Variants in L3MBTL4 observed in about 807,000 individuals in gnomAD.
L3MBTL4 encodes lethal(3)malignant brain tumor-like protein 4.
Under a neutral mutation model 84.5 loss-of-function variants are expected in L3MBTL4, and 70 were observed. The ratio of observed to expected loss-of-function variants is 0.83; its 90% CI spans 0.68 to 1.01. The LOEUF (loss-of-function observed/expected upper bound fraction) is 1.01, where lower values mean the gene tolerates loss of function less well. Among genes scored for constraint, L3MBTL4 ranks in the 50% least tolerant of loss-of-function variants. L3MBTL4 has a pLI of 0.00. For missense variants in L3MBTL4, 715 were observed against 754.8 expected, an observed-to-expected ratio of 0.95 and a Z score of 0.62; for synonymous variants, 274 against 259.8, an observed-to-expected ratio of 1.05 and a Z score of -0.52.
intron 16 of L3MBTL4, chr18:6,031,434 C>G: frequency 5.1e-6 from 5 of 985,366 alleles, no homozygotes; most frequent in Non-Finnish European, 6.0e-6. Context: ...TTATAAGTTG[C>G]GAGGTGGGAC....
At chr18:6,055,468 C>T (rs554922180) in intron 16 of L3MBTL4, among the ~76,000 whole-genome samples, 20 of 152,120 alleles carry the variant, frequency 1.3e-4, no homozygotes, top group Middle Eastern at 6.8e-3. Flanking sequence ...AAGTTTTCTT[C>T]GATAGTATGT....
In L3MBTL4 at chr18:6,144,068, G is replaced by GT. The variant is rs539394934; in HGVS notation, c.1097-5773_1097-5772insA. 8.4e-3 allele frequency among the ~76,000 whole-genome samples: 1,270 copies of GT among 151,928 alleles called. 10 individuals are homozygous for GT. Among genetic ancestry groups the GT allele is most frequent in the Middle Eastern group, 0.024 (7 of 294 alleles). On this transcript the variant is annotated intron_variant, in intron 13 of 18. Transcript: ENST00000317931. ...AAGAATTGGCTGGGCATGGTGGCAG[G>GT]CCCTGTAGTCCCAGCTACTGGAGAG... is the stretch of plus-strand genomic sequence containing the variant.
rs534064728 is a variant in L3MBTL4 at position 6,302,207 on chromosome 18, G to C, written c.73-250C>G. On this transcript the variant is annotated intron_variant, in intron 3 of 18. Transcript: ENST00000317931. The stretch of plus-strand genomic sequence containing the variant: ...AAAGAGACAGGAAGCTTTGATAACA[G>C]TTAATATTGAGGTTGACACAGGTAC... Among the ~76,000 whole-genome samples the C allele has an allele frequency of 5.3e-5, 8 of 152,252 alleles. No individual in the cohort carries two copies. In the East Asian group the frequency reaches 1.5e-3, roughly 29 times the overall value.
chr18:5,989,543 T>C (rs7240745), intron 16 of L3MBTL4, among the ~76,000 whole-genome samples: 29,693 of 152,144 alleles, frequency 0.2, 4,856 homozygotes, highest in African/African-American at 0.44. Flanking sequence ...TGTAAAACCA[T>C]TGTAGAGCAA....
chr18:6,364,683 T>C (rs979506526), intron 1 of L3MBTL4, among the ~76,000 whole-genome samples: 1 of 152,134 alleles, frequency 6.6e-6, no homozygotes, highest in Non-Finnish European at 1.5e-5. Context: ...ATAAGCGTAA[T>C]CAAAATGATA....
intron 16 of L3MBTL4, among the ~76,000 whole-genome samples, chr18:5,999,466 CAG>C (rs1410072307): frequency 6.6e-6 from 1 of 152,176 alleles, no homozygotes; most frequent in African/African-American, 2.4e-5. Context: ...CTACCTTCCT[CAG>C]AGTGTGCTGT....
chr18:6,017,377 T>G (rs2145454987), intron 16 of L3MBTL4, among the ~76,000 whole-genome samples: 1 of 152,364 alleles, frequency 6.6e-6, no homozygotes. Context: ...AGTCTCCTCT[T>G]GACACTGACG....
At chr18:6,369,789 G>C (rs2054082263) in intron 1 of L3MBTL4, among the ~76,000 whole-genome samples, 1 of 152,166 alleles carries the variant, frequency 6.6e-6, no homozygotes, top group Non-Finnish European at 1.5e-5. Context: ...CAGGTGCAAA[G>C]TAACCAGCAG....
rs1382820009 is a variant in L3MBTL4, at chr18:6,242,852, A to G, written c.460+442T>C. Reference sequence around the variant, plus strand: ...TATTTTTCATTCCCATCGAAAGAAAATAGTGATTTTTTTCATAGTTCTTTG... The same window carrying G: ...TATTTTTCATTCCCATCGAAAGAAAGTAGTGATTTTTTTCATAGTTCTTTG... On this transcript the variant is annotated intron_variant, in intron 7 of 18. Coordinates refer to ENST00000317931, the MANE Select transcript of L3MBTL4 (RefSeq NM_001330559.2). 2.6e-5 allele frequency among the ~76,000 whole-genome samples: 4 copies of G among 152,214 alleles called. No homozygotes were observed. The South Asian group carries it at 6.2e-4, about 24-fold the overall frequency.
intron 7 of L3MBTL4, among the ~76,000 whole-genome samples, chr18:6,241,984 G>A (rs1016349801): frequency 3.3e-5 from 5 of 152,134 alleles, no homozygotes; most frequent in Non-Finnish European, 5.9e-5. Flanking sequence ...AGCTTTCTGC[G>A]CCGCATCTTT....
intron 1 of L3MBTL4, among the ~76,000 whole-genome samples, chr18:6,410,662 C>G (rs572038982): frequency 1.3e-5 from 2 of 152,204 alleles, no homozygotes; most frequent in African/African-American, 4.8e-5. Context: ...TTCTCTCTGG[C>G]TAGTTACAGT....
intron 1 of L3MBTL4, chr18:6,396,985 AG>A (rs1344673247): frequency 6.6e-6 from 1 of 152,236 alleles, no homozygotes; most frequent in Non-Finnish European, 1.5e-5. Context: ...AAACGTTTTA[AG>A]TGTAAAAATA....
chr18:6,083,759 G>T lies in L3MBTL4; in HGVS notation c.1374-2808C>A, dbSNP rs139565494. ...TATTAATAGCGTTGCTGTTGCTGTC[G>T]CAAGTGTCAAGAGACCTGTGTATCT... On this transcript the variant is annotated intron_variant, in intron 15 of 18. Transcript: ENST00000317931. Among the ~76,000 whole-genome samples the T allele has an allele frequency of 3.9e-3, 594 of 152,178 alleles. 4 individuals are homozygous for T. The highest frequency in any genetic ancestry group is 0.014 in the African/African-American group (575 of 41,506).
At chr18:6,380,745 T>A (rs1199949756) in intron 1 of L3MBTL4, among the ~76,000 whole-genome samples, 4 of 152,210 alleles carry the variant, frequency 2.6e-5, no homozygotes, top group Non-Finnish European at 5.9e-5. Flanking sequence ...AATTATACGG[T>A]CAATTTTAGA....
rs541961038 is a variant in L3MBTL4 at position 6,138,292 on chromosome 18, C to G, written c.1101G>C (p.Thr367=). 6.2e-7 allele frequency: 1 copy of G among 1,606,930 alleles called. No homozygotes were observed. Among genetic ancestry groups the G allele is most frequent in the Admixed American group, 1.7e-5 (1 of 59,574 alleles). ...GACCTGGAAGGATCTTCAGGTCATT[C>G]GTTCCTTCAGGAAGTAAAAGAACAT... is the stretch of plus-strand genomic sequence containing the variant. ...TGHPLEVPQR[T]NDLKILPGQA... Residue 367 remains threonine, a synonymous_variant, in exon 14 of 19, where the codon ACG becomes ACC. Transcript: ENST00000317931.
chr18:6,258,178 A>G (rs2048237942), intron 5 of L3MBTL4, among the ~76,000 whole-genome samples: 2 of 152,146 alleles, frequency 1.3e-5, no homozygotes, highest in Non-Finnish European at 2.9e-5. Context: ...GCAGTAAGGG[A>G]CTGAAAGCTT....
At chr18:6,155,747 C>T (rs1568215529) in intron 13 of L3MBTL4, among the ~76,000 whole-genome samples, 1 of 152,052 alleles carries the variant, frequency 6.6e-6, no homozygotes, top group Non-Finnish European at 1.5e-5. Flanking sequence ...TCATTTAGCG[C>T]TCATTGAATT....
intron 13 of L3MBTL4, among the ~76,000 whole-genome samples, chr18:6,163,272 G>GGGT (rs1243686744): frequency 5.3e-5 from 5 of 94,886 alleles, no homozygotes; most frequent in Non-Finnish European, 8.1e-5. Context: ...GGGGGGGGTG[G>GGGT]GTGTGTGTGT....
chr18:6,170,533 T>C (rs140005489), intron 13 of L3MBTL4, among the ~76,000 whole-genome samples: 3 of 152,198 alleles, frequency 2.0e-5, no homozygotes, highest in African/African-American at 7.2e-5. Flanking sequence ...GATGGAGGTT[T>C]GGTTTGATGC....
Sources: gnomAD v4.1 joint callset for allele counts (sites outside exome capture counted in the v4.1 genomes callset) on GRCh38, gnomAD v4.1.1 for gene constraint, MANE v1.5 for transcripts, NCBI Gene and HGNC (gene_info 2026-07-23, HGNC 2026-07-21) for gene names.